The following MRFAP1L2 variants were observed in gnomAD, a reference collection of about 807,000 sequenced individuals.
MRFAP1L2 encodes Morf4 family associated protein 1 like 2.
the MRFAP1L2 span, chr4:6,674,479 C>T: frequency 4.5e-6 from 3 of 666,338 alleles, no homozygotes; most frequent in East Asian, 3.1e-5. Flanking sequence ...CTCGGCTGTG[C>T]GCCGAAGCAG....
chr4:6,675,986 G>C, the MRFAP1L2 span: 1 of 152,220 alleles, frequency 6.6e-6, no homozygotes, highest in Non-Finnish European at 1.5e-5. Context: ...TCTTTGTGCA[G>C]ATGACCAAAG....
chr4:6,674,448 C>T, the MRFAP1L2 span: 37 of 657,294 alleles, frequency 5.6e-5, 1 homozygote, highest in South Asian at 5.5e-4. Context: ...CGCCCGCGTG[C>T]GGAGGCTGAG....
chr4:6,674,977 C>T, the MRFAP1L2 span: 2 of 161,514 alleles, frequency 1.2e-5, no homozygotes, highest in South Asian at 1.7e-4. Flanking sequence ...ATGAATTTCT[C>T]CCACTTGTAC....
At chr4:6,674,643 C>T in the MRFAP1L2 span, 1 of 553,858 alleles carries the variant, frequency 1.8e-6, no homozygotes, top group South Asian at 2.2e-5. Flanking sequence ...GCTGGGTAGG[C>T]AGGGAGGGGA....
the MRFAP1L2 span, chr4:6,674,538 T>C: frequency 6.0e-6 from 4 of 666,462 alleles, no homozygotes; most frequent in Admixed American, 4.3e-5. Context: ...ATCGTGGAGC[T>C]GCACCAGCGG....
chr4:6,675,288 G>C, the MRFAP1L2 span: 1 of 152,200 alleles, frequency 6.6e-6, no homozygotes, highest in Non-Finnish European at 1.5e-5. Flanking sequence ...TTGTTCCTGT[G>C]ATCTTATTGT....
the MRFAP1L2 span, chr4:6,674,677 C>T: frequency 3.8e-6 from 2 of 525,048 alleles, no homozygotes; most frequent in Non-Finnish European, 6.7e-6. Context: ...CCACGCTCTC[C>T]GCGGAGTTGG....
the MRFAP1L2 span, chr4:6,675,220 A>G: frequency 6.6e-6 from 1 of 152,252 alleles, no homozygotes; most frequent in Non-Finnish European, 1.5e-5. Flanking sequence ...GCTTTTCATT[A>G]ATGTCCCACG....
chr4:6,674,449 G>A, the MRFAP1L2 span: 3 of 657,354 alleles, frequency 4.6e-6, no homozygotes, highest in Admixed American at 2.3e-5. Context: ...GCCCGCGTGC[G>A]GAGGCTGAGG....
At chr4:6,676,040 C>T in the MRFAP1L2 span, 1 of 152,208 alleles carries the variant, frequency 6.6e-6, no homozygotes, top group African/African-American at 2.4e-5. Flanking sequence ...AAACATTTTT[C>T]AAAATGAGTT....
At chr4:6,674,961 G>A in the MRFAP1L2 span, 1 of 169,686 alleles carries the variant, frequency 5.9e-6, no homozygotes, top group Non-Finnish European at 1.3e-5. Flanking sequence ...AATTTATGTT[G>A]TGATGATGAA....
chr4:6,674,334 C>T, the MRFAP1L2 span: 5 of 628,930 alleles, frequency 8.0e-6, no homozygotes, highest in African/African-American at 1.9e-5. Flanking sequence ...CGCGCCCGGG[C>T]GCACTGGCGG....
the MRFAP1L2 span, chr4:6,674,378 C>T: frequency 3.1e-6 from 2 of 648,296 alleles, no homozygotes; most frequent in East Asian, 3.3e-5. Context: ...CCAGAGCCTG[C>T]TCGACGCCAT....
At chr4:6,674,263 C>T in the MRFAP1L2 span, 6 of 461,900 alleles carry the variant, frequency 1.3e-5, no homozygotes, top group East Asian at 1.8e-4. Flanking sequence ...AGGAGCCGGG[C>T]AGCCCGCTGA....
the MRFAP1L2 span, chr4:6,674,584 C>G: frequency 1.6e-6 from 1 of 628,740 alleles, no homozygotes. Flanking sequence ...CCGGCGAGGC[C>G]GCGCGGGTCT....
chr4:6,674,639 T>C, the MRFAP1L2 span: 1 of 558,396 alleles, frequency 1.8e-6, no homozygotes, highest in Non-Finnish European at 3.1e-6. Flanking sequence ...AGGCGCTGGG[T>C]AGGCAGGGAG....
the MRFAP1L2 span, chr4:6,675,255 C>T: frequency 1.3e-5 from 2 of 152,204 alleles, no homozygotes; most frequent in African/African-American, 2.4e-5. Flanking sequence ...CTATACAGTA[C>T]GTACGCTGCT....
At chr4:6,675,494 GGA>G in the MRFAP1L2 span, 1 of 69,958 alleles carries the variant, frequency 1.4e-5, no homozygotes, top group Admixed American at 1.9e-4. Context: ...AAGGCCCAGT[GGA>G]CGGTTGGTCT....
chr4:6,675,697 A>G, the MRFAP1L2 span: 5 of 152,206 alleles, frequency 3.3e-5, no homozygotes, highest in Admixed American at 3.3e-4. Flanking sequence ...AATTGGGATG[A>G]GTTCTAGGTA....
Sources: gnomAD v4.1 joint callset for allele counts on GRCh38, gnomAD v4.1.1 for gene constraint, MANE v1.5 for transcripts, NCBI Gene and HGNC (gene_info 2026-07-23, HGNC 2026-07-21) for gene names.